The following KIF3B variants were observed in gnomAD, a reference collection of about 807,000 sequenced individuals.
KIF3B encodes kinesin family member 3B.
In KIF3B, 38 loss-of-function variants were observed where a neutral mutation model predicts 74.3. The ratio of observed to expected loss-of-function variants is 0.51; its 90% CI spans 0.39 to 0.67. The LOEUF (loss-of-function observed/expected upper bound fraction) is 0.67. Among genes scored for constraint, KIF3B ranks in the 30% least tolerant of loss-of-function variants. The pLI is 0.00. For missense variants in KIF3B, 649 were observed against 932.0 expected (o/e 0.70, Z 3.95); for synonymous variants, 326 against 342.5 (o/e 0.95, Z 0.53).
chr20:32,322,694 ATATATT>A lies in KIF3B; in HGVS notation c.1749-4071_1749-4066del, dbSNP rs1358601106. Among the ~76,000 whole-genome samples, 20 of 66,320 alleles carry A rather than the reference ATATATT, an allele frequency of 3.0e-4. 1 individual carries two copies. The highest frequency in any genetic ancestry group is 8.4e-4 in the African/African-American group (9 of 10,720). The allele number at this position is 66,320 out of a possible 152,430, so 43.5% of individuals were successfully genotyped here. A position where few individuals can be genotyped will look rare whatever the true frequency, so the allele number is the denominator to read the frequency against. ...TATTTATATATTTATATATATTTAT[ATATATT>A]TATATATTTATATATATTTATATTT... On this transcript the variant is annotated intron_variant, in intron 5 of 8. Transcript: ENST00000375712.
chr20:32,307,657 CT>C (rs2047778345), intron 1 of KIF3B, among the ~76,000 whole-genome samples: 1 of 152,060 alleles, frequency 6.6e-6, no homozygotes, highest in Admixed American at 6.6e-5. Context: ...GAATATAAGA[CT>C]TTTTTTCATT....
At chr20:32,295,658 C>T (rs1380884287) in intron 1 of KIF3B, among the ~76,000 whole-genome samples, 4 of 151,864 alleles carry the variant, frequency 2.6e-5, no homozygotes, top group South Asian at 4.1e-4. Context: ...TCTTATTTGA[C>T]GTCTATGCTC....
In KIF3B at chr20:32,331,485, CCTAATCTGG is replaced by C; in HGVS notation, c.*168_*176del. The C allele has an allele frequency of 1.7e-6, 1 of 575,670 alleles. No individual in the cohort carries two copies. The highest frequency in any genetic ancestry group is 3.1e-5 in the East Asian group (1 of 32,548). 35.7% of individuals were successfully genotyped at this position (575,670 alleles called of 1,614,324 possible). A position where few individuals can be genotyped will look rare whatever the true frequency, so the allele number is the denominator to read the frequency against. The stretch of plus-strand genomic sequence containing the variant: ...ACTTAATCTGGTTGAACGTGCTGTT[CCTAATCTGG>C]CACTCAGCCCCTCTGGGAAACATCT... On this transcript the variant is annotated 3_prime_UTR_variant, in exon 9 of 9. Transcript: ENST00000375712.
intron 8 of KIF3B, 30 bp from the exon 9 acceptor site, chr20:32,331,193 G>A (rs1309358610): frequency 1.3e-6 from 2 of 1,509,200 alleles, no homozygotes; most frequent in Admixed American, 3.4e-5. Context: ...ATGGGGACAT[G>A]TAATATAAAC....
chr20:32,324,962 C>G (rs920895721), intron 5 of KIF3B, among the ~76,000 whole-genome samples: 1 of 152,050 alleles, frequency 6.6e-6, no homozygotes, highest in African/African-American at 2.4e-5. Flanking sequence ...ACCTGGGAGA[C>G]GAAGGTTGCA....
intron 1 of KIF3B, among the ~76,000 whole-genome samples, chr20:32,287,903 G>C (rs148625659): frequency 1.4e-5 from 1 of 71,526 alleles, no homozygotes; most frequent in East Asian, 4.8e-4. Flanking sequence ...TTTTTTTTCA[G>C]ATGGAGTCTC....
chr20:32,331,409 C>T lies in KIF3B; in HGVS notation c.*90C>T, dbSNP rs1304860474. 3.9e-6 allele frequency: 4 copies of T among 1,023,034 alleles called. No individual in the cohort carries two copies. The African/African-American group carries it at 4.8e-5, about 12-fold the overall frequency. 63.4% of individuals were successfully genotyped at this position (1,023,034 alleles called of 1,614,324 possible). ...AGCTGCAGAGAGGATTCGGCCCAAACTCAGAACTGTTCCCCTGAGGAGAAG... is the reference window on the plus strand; with the variant it reads ...AGCTGCAGAGAGGATTCGGCCCAAATTCAGAACTGTTCCCCTGAGGAGAAG... On this transcript the variant is annotated 3_prime_UTR_variant, in exon 9 of 9. Transcript: ENST00000375712.
At position 32,333,828 on chromosome 20, in the gene KIF3B, G is replaced by A. The variant is rs1218384210; in HGVS notation, c.*2509G>A. Reference sequence around the variant, plus strand: ...CAGCTGTGTTCATGTGGTGGTCTGTGGAAAGAAAAGAAGACTCATTTGGAA... The same window carrying A: ...CAGCTGTGTTCATGTGGTGGTCTGTAGAAAGAAAAGAAGACTCATTTGGAA... On this transcript the variant is annotated 3_prime_UTR_variant, in exon 9 of 9. Transcript: ENST00000375712. 6.6e-6 allele frequency: 1 copy of A among 152,390 alleles called. No homozygotes were observed. Among genetic ancestry groups the A allele is most frequent in the East Asian group, 1.9e-4 (1 of 5,192 alleles). 9.4% of individuals were successfully genotyped at this position (152,390 alleles called of 1,614,324 possible).
At chr20:32,283,560 A>G (rs534482379) in intron 1 of KIF3B, among the ~76,000 whole-genome samples, 3 of 151,070 alleles carry the variant, frequency 2.0e-5, no homozygotes, top group East Asian at 2.0e-4. Context: ...CTGTAATCTC[A>G]GCACTTTGGG....
At position 32,322,682 on chromosome 20, in the gene KIF3B, A is replaced by ATATATATATT. The variant is rs2047868890; in HGVS notation, c.1749-4082_1749-4081insATTTATATAT. 6.3e-5 allele frequency among the ~76,000 whole-genome samples: 2 copies of ATATATATATT among 31,640 alleles called. 1 individual carries two copies. Among genetic ancestry groups the ATATATATATT allele is most frequent in the East Asian group, 0.014 (2 of 138 alleles). 20.8% of individuals were successfully genotyped at this position (31,640 alleles called of 152,430 possible). A position where few individuals can be genotyped will look rare whatever the true frequency, so the allele number is the denominator to read the frequency against. On this transcript the variant is annotated intron_variant, in intron 5 of 8. Transcript: ENST00000375712. ...TATTTATATATATATTTATATATTT[A>ATATATATATT]TATATATTTATATATATTTATATAT...
chr20:32,323,046 ATATATATTTATATTTATATATATT>A (rs1569208446), intron 5 of KIF3B, among the ~76,000 whole-genome samples: 616 of 32,714 alleles, frequency 0.019, 9 homozygotes, highest in East Asian at 0.056. Flanking sequence ...ATTTATATTT[ATATATATTTATATTTATATATATT>A]TATATATTTA....
At position 32,322,620 on chromosome 20, in the gene KIF3B, TTATATATTTA is replaced by T. The variant is rs1345106190; in HGVS notation, c.1749-4133_1749-4124del. Among the ~76,000 whole-genome samples the T allele has an allele frequency of 5.0e-3, 556 of 111,126 alleles. 22 individuals carry two copies. The highest frequency in any genetic ancestry group is 0.02 in the African/African-American group (509 of 25,396). The allele number at this position is 111,126 out of a possible 152,430, so 72.9% of individuals were successfully genotyped here. A position where few individuals can be genotyped will look rare whatever the true frequency, so the allele number is the denominator to read the frequency against. ...GAGAATCCGTCTCAAAAAAAAAATT[TTATATATTTA>T]TATATATTTATATATATATTTTTAT... On this transcript the variant is annotated intron_variant, in intron 5 of 8. Transcript: ENST00000375712.
At chr20:32,283,176 G>T (rs2047651878) in intron 1 of KIF3B, among the ~76,000 whole-genome samples, 1 of 151,974 alleles carries the variant, frequency 6.6e-6, no homozygotes, top group Non-Finnish European at 1.5e-5. Flanking sequence ...GGCTGGGACC[G>T]CAGGCATGTA....
intron 1 of KIF3B, among the ~76,000 whole-genome samples, chr20:32,283,540 T>C (rs1360124216): frequency 1.3e-5 from 2 of 148,304 alleles, no homozygotes; most frequent in African/African-American, 2.5e-5. Context: ...CTAGGCATGG[T>C]GACTCACACC....
At chr20:32,302,690 GGCTCGT>G (rs2047749968) in intron 1 of KIF3B, among the ~76,000 whole-genome samples, 1 of 152,184 alleles carries the variant, frequency 6.6e-6, no homozygotes, top group African/African-American at 2.4e-5. Context: ...TTGTCTGGCA[GGCTCGT>G]GCACTGAAAC....
chr20:32,326,372 A>G (rs2047903776), intron 5 of KIF3B, among the ~76,000 whole-genome samples: 1 of 152,134 alleles, frequency 6.6e-6, no homozygotes, highest in Admixed American at 6.6e-5. Flanking sequence ...TTTGGAAGTT[A>G]ATGACCTTGG....
chr20:32,331,633 C>G lies in KIF3B; in HGVS notation c.*314C>G, dbSNP rs893399151. 8.8e-6 allele frequency: 3 copies of G among 340,862 alleles called. No homozygotes were observed. Among genetic ancestry groups the G allele is most frequent in the Non-Finnish European group, 1.1e-5 (2 of 188,144 alleles). The allele number at this position is 340,862 out of a possible 1,614,324, so 21.1% of individuals were successfully genotyped here. Reference sequence around the variant, plus strand: ...TCCCCCTTGCCTTCTTCTCCCCCTTCCCCTGTGCTCCCTTTCTCTCCTCTC... The same window carrying G: ...TCCCCCTTGCCTTCTTCTCCCCCTTGCCCTGTGCTCCCTTTCTCTCCTCTC... On this transcript the variant is annotated 3_prime_UTR_variant, in exon 9 of 9. Coordinates refer to ENST00000375712, the MANE Select transcript of KIF3B (RefSeq NM_004798.4).
At chr20:32,315,087 G>GT (rs2047820536) in intron 2 of KIF3B, among the ~76,000 whole-genome samples, 1 of 152,152 alleles carries the variant, frequency 6.6e-6, no homozygotes, top group Non-Finnish European at 1.5e-5. Context: ...GCCTAGCCCA[G>GT]GCCTAGACCC....
chr20:32,328,596 G>A (rs1022436379), intron 7 of KIF3B, among the ~76,000 whole-genome samples: 1 of 145,862 alleles, frequency 6.9e-6, no homozygotes, highest in African/African-American at 2.7e-5. Context: ...CTGGGTGGCA[G>A]AGCGACACTC....
Sources: allele counts gnomAD v4.1 joint callset (sites outside exome capture counted in the v4.1 genomes callset), GRCh38; gene constraint gnomAD v4.1.1; transcripts MANE v1.5; gene names NCBI Gene and HGNC (gene_info 2026-07-23, HGNC 2026-07-21).